Variants in TRIM77 observed in about 807,000 individuals in gnomAD.
TRIM77 encodes the protein tripartite motif containing 77.
In TRIM77, 23 loss-of-function variants were observed where a neutral mutation model predicts 31.8. The observed-to-expected ratio is 0.72, with a 90% CI of 0.52 to 1.02. TRIM77 has a LOEUF of 1.02. TRIM77 is among the 50% of genes least tolerant of loss of function. TRIM77 has a pLI of 0.00. For missense variants in TRIM77, 446 were observed against 539.2 expected, an observed-to-expected ratio of 0.83 and a Z score of 1.71; for synonymous variants, 159 against 183.1, an observed-to-expected ratio of 0.87 and a Z score of 1.06.
At position 89,715,372 on chromosome 11, in the gene TRIM77, C is replaced by A. The variant is rs1329909412; in HGVS notation, c.761+192C>A. Among the ~76,000 whole-genome samples, 5 of 152,126 alleles carry A rather than the reference C, an allele frequency of 3.3e-5. No homozygotes were observed. In the East Asian group the frequency reaches 7.7e-4, roughly 23 times the overall value. ...ATGGGAAGCAGTTTTAATTGCAAGG[C>A]CTAATGTAGAAGTTTCAATAAGGCA... On this transcript the variant is annotated intron_variant, in intron 4 of 5. Coordinates refer to ENST00000398290, the MANE Select transcript of TRIM77 (RefSeq NM_001146162.1).
At chr11:89,714,490 T>A in intron 3 of TRIM77, 68 bp downstream of exon 3, 1 of 1,072,226 alleles carries the variant, frequency 9.3e-7, no homozygotes, top group Admixed American at 2.7e-5. Context: ...CTAGAGTCTA[T>A]ATCCTTTTTG....
Position 89,717,822 on chromosome 11 carries a change from C to A in TRIM77, c.1303C>A (p.Arg435Ser). The A allele has an allele frequency of 6.5e-7, 1 of 1,549,812 alleles. No homozygotes were observed. Among genetic ancestry groups the A allele is most frequent in the Non-Finnish European group, 8.7e-7 (1 of 1,146,052 alleles). The change falls in exon 6 of 6, where the codon CGC becomes AGC. Residue 435 changes from arginine (R) to serine (S), a missense_variant. Transcript: ENST00000398290. ...QSSLICSFLS[R>S]IFYFPLRPFI... ...TTCCCTCATTTGTAGTTTCCTCTCA[C>A]GCATCTTCTATTTTCCTCTCAGACC... is the stretch of plus-strand genomic sequence containing the variant.
At chr11:89,711,572 C>A (rs1161653852) in intron 2 of TRIM77, 67 bp downstream of exon 2, 20 of 805,090 alleles carry the variant, frequency 2.5e-5, no homozygotes, top group Non-Finnish European at 3.6e-5. Context: ...GGGAGAAGAA[C>A]TTGAGTTAAC....
At chr11:89,713,457 A>G (rs1407097565) in intron 2 of TRIM77, among the ~76,000 whole-genome samples, 1 of 220 alleles carries the variant, frequency 4.5e-3, no homozygotes, top group African/African-American at 0.016. Flanking sequence ...CCTTGTCTCA[A>G]TAATAATAAT....
In TRIM77 at chr11:89,714,881, G is replaced by GTA. The variant is rs1949149352; in HGVS notation, c.739-276_739-275dup. ...TCTGTCAATCTTGTTGCAGATGTTTGTACAGTAGAATGTCTTCCCTTCCTC... is the reference window on the plus strand; with the variant it reads ...TCTGTCAATCTTGTTGCAGATGTTTGTATACAGTAGAATGTCTTCCCTTCCTC... On this transcript the variant is annotated intron_variant, in intron 3 of 5. Coordinates refer to ENST00000398290, the MANE Select transcript of TRIM77 (RefSeq NM_001146162.1). Among the ~76,000 whole-genome samples, 2 of 152,196 alleles carry GTA rather than the reference G, an allele frequency of 1.3e-5. 1 individual carries two copies. The highest frequency in any genetic ancestry group is 4.1e-4 in the South Asian group (2 of 4,834).
At chr11:89,714,536 T>A in intron 3 of TRIM77, 114 bp downstream of exon 3, 1 of 792,492 alleles carries the variant, frequency 1.3e-6, no homozygotes, top group African/African-American at 1.7e-5. Flanking sequence ...ATATTCAGAT[T>A]CTGCCTTTCC....
At chr11:89,716,800 T>C (rs1949164166) in intron 5 of TRIM77, among the ~76,000 whole-genome samples, 1 of 152,178 alleles carries the variant, frequency 6.6e-6, no homozygotes, top group African/African-American at 2.4e-5. Flanking sequence ...ATGATAACAG[T>C]GTCATAGCTT....
intron 2 of TRIM77, among the ~76,000 whole-genome samples, chr11:89,713,732 G>A (rs1446082146): frequency 6.6e-6 from 1 of 152,016 alleles, no homozygotes; most frequent in Non-Finnish European, 1.5e-5. Context: ...TGTAGTCTTA[G>A]GTAATAGGCA....
intron 1 of TRIM77, 127 bp from the exon 2 acceptor site, chr11:89,711,283 A>G (rs572907519): frequency 2.0e-6 from 1 of 504,908 alleles, no homozygotes; most frequent in Non-Finnish European, 3.5e-6. Flanking sequence ...CAGTGCCCTT[A>G]AGAAAAGCCC....
Position 89,710,527 on chromosome 11 carries a change from A to G in TRIM77, c.229A>G (p.Thr77Ala). ...IIFAEKQVIP[T>A]RESVPCQLSS... ...TTTTGCTGAGAAACAAGTTATTCCT[A>G]CAAGAGAATCAGTCCCCTGCCAGTT... Residue 77 changes from threonine (T) to alanine (A), a missense_variant, in exon 1 of 6, where the codon ACA becomes GCA. Physicochemically the swap from Thr to Ala is moderately conservative, Grantham distance 58 (BLOSUM62 0). This residue lies in a region of TRIM77 where 366 missense variants were observed against 447.9 expected (regional missense o/e 0.82). Coordinates refer to ENST00000398290, the MANE Select transcript of TRIM77 (RefSeq NM_001146162.1). 1 of 1,551,684 alleles carries G rather than the reference A, an allele frequency of 6.4e-7. No homozygotes were observed.
chr11:89,716,122 T>G, intron 5 of TRIM77, 135 bp downstream of exon 5: 1 of 458,974 alleles, frequency 2.2e-6, no homozygotes, highest in Non-Finnish European at 3.7e-6. Flanking sequence ...ATGGAAACCT[T>G]TATAACCAAT....
At chr11:89,712,468 T>G (rs1432817945) in intron 2 of TRIM77, among the ~76,000 whole-genome samples, 1 of 152,134 alleles carries the variant, frequency 6.6e-6, no homozygotes, top group African/African-American at 2.4e-5. Context: ...TAAATAATGT[T>G]CGTGAAGTGC....
At chr11:89,714,152 C>T in intron 2 of TRIM77, 40 bp from the exon 3 acceptor site, 6 of 1,375,724 alleles carry the variant, frequency 4.4e-6, no homozygotes, top group Non-Finnish European at 6.0e-6. Context: ...AGAATAAAAC[C>T]ACTTAGACAC....
Position 89,710,444 on chromosome 11 carries a change from C to G in TRIM77, c.146C>G (p.Pro49Arg). 1 of 1,551,790 alleles carries G rather than the reference C, an allele frequency of 6.4e-7. No homozygotes were observed. Among genetic ancestry groups the G allele is most frequent in the Non-Finnish European group, 8.7e-7 (1 of 1,146,990 alleles). ...CTCTTGTGGGAAGATACACTAACTC[C>G]TAATTGCTGCCCTGTGTGCAGGGAA... ...LCLLWEDTLT[P>R]NCCPVCREIS... Residue 49 changes from proline (P) to arginine (R), a missense_variant, in exon 1 of 6, where the codon CCT (proline) becomes CGT (arginine). Pro to Arg is a moderately radical substitution (Grantham distance 103). Around this residue, in one of 3 missense-constraint regions of TRIM77, gnomAD observed 72 missense variants for 64.7 expected, o/e 1.11. Transcript: ENST00000398290.
intron 1 of TRIM77, among the ~76,000 whole-genome samples, chr11:89,711,161 A>C (rs921657471): frequency 2.0e-5 from 3 of 152,240 alleles, no homozygotes; most frequent in Non-Finnish European, 2.9e-5. Flanking sequence ...GTTACTTCTG[A>C]AAATTGACAA....
chr11:89,713,317 A>G (rs1346566932), intron 2 of TRIM77, among the ~76,000 whole-genome samples: 2 of 148,448 alleles, frequency 1.3e-5, no homozygotes, highest in Non-Finnish European at 3.0e-5. Flanking sequence ...GTAGCCTGGC[A>G]TGGCGGCATG....
At chr11:89,715,008 A>G in intron 3 of TRIM77, 150 bp from the exon 4 acceptor site, 1 of 687,246 alleles carries the variant, frequency 1.5e-6, no homozygotes, top group Non-Finnish European at 2.4e-6. Context: ...TTTATAAAGA[A>G]AAAGAAAATG....
chr11:89,712,456 A>C (rs1392663173), intron 2 of TRIM77, among the ~76,000 whole-genome samples: 2 of 152,204 alleles, frequency 1.3e-5, no homozygotes, highest in Admixed American at 6.5e-5. Flanking sequence ...TAAACTTTAT[A>C]ATAAATAATG....
intron 4 of TRIM77, 99 bp downstream of exon 4, chr11:89,715,279 T>G (rs1949152992): frequency 9.1e-7 from 1 of 1,099,450 alleles, no homozygotes; most frequent in African/African-American, 1.6e-5. Context: ...TTTCTGTCTG[T>G]ATTTATTCCT....
Sources: gnomAD v4.1 joint callset for allele counts (sites outside exome capture counted in the v4.1 genomes callset) on GRCh38, gnomAD v4.1.1 for gene constraint, gnomAD v4.1.1 regional missense constraint, MANE v1.5 for transcripts, NCBI Gene and HGNC (gene_info 2026-07-23, HGNC 2026-07-21) for gene names.